Variants in TESC observed in about 807,000 individuals in gnomAD.
The protein encoded by TESC is tescalcin.
A neutral mutation model predicts 31.0 loss-of-function variants in TESC; 19 were observed. The ratio of observed to expected loss-of-function variants is 0.61; its 90% CI spans 0.43 to 0.90. The LOEUF is 0.90. Among genes scored for constraint, TESC ranks in the 40% least tolerant of loss-of-function variants. The pLI is 0.00. For synonymous variants in TESC, 109 were observed against 114.8 expected (o/e 0.95, Z 0.32); for missense variants, 248 against 303.8 (o/e 0.82, Z 1.36).
chr12:117,088,277 G>A (rs528363405), intron 1 of TESC, among the ~76,000 whole-genome samples: 3 of 152,168 alleles, frequency 2.0e-5, no homozygotes, highest in Non-Finnish European at 4.4e-5. Context: ...GAGAGTGGGC[G>A]AGTGGGTGTC....
At chr12:117,068,685 T>C (rs978810888) in intron 2 of TESC, among the ~76,000 whole-genome samples, 3 of 152,134 alleles carry the variant, frequency 2.0e-5, no homozygotes, top group Admixed American at 6.5e-5. Flanking sequence ...TTCTCTTCCC[T>C]GTGTACGTCT....
chr12:117,092,298 G>A (rs945102450), intron 1 of TESC, among the ~76,000 whole-genome samples: 13 of 152,204 alleles, frequency 8.5e-5, no homozygotes, highest in East Asian at 1.9e-4. Flanking sequence ...CACATGGAAC[G>A]CCATCCTCCA....
intron 2 of TESC, among the ~76,000 whole-genome samples, chr12:117,059,173 G>T (rs1278615428): frequency 6.6e-6 from 1 of 152,246 alleles, no homozygotes; most frequent in Non-Finnish European, 1.5e-5. Context: ...TGGAGAGGAG[G>T]AGGCAAAACA....
chr12:117,046,868 G>A lies in TESC; in HGVS notation c.350-30C>T, dbSNP rs144567874. On this transcript the variant is annotated intron_variant, in intron 4 of 7. Coordinates refer to ENST00000335209, the MANE Select transcript of TESC (RefSeq NM_017899.4). ...GGTGGCAGGGGAGAGAGGGGACTCC[G>A]TCAGGCGGGGCCTGGCCCCTGCCAC... 761 of 1,551,892 alleles carry A rather than the reference G, an allele frequency of 4.9e-4. 6 individuals carry two copies. In the East Asian group the frequency reaches 0.01, roughly 21 times the overall value.
chr12:117,086,509 G>A (rs1363323640), intron 1 of TESC, among the ~76,000 whole-genome samples: 1 of 152,166 alleles, frequency 6.6e-6, no homozygotes, highest in African/African-American at 2.4e-5. Context: ...ACAGCTCACA[G>A]CAGCCTCAAA....
intron 2 of TESC, among the ~76,000 whole-genome samples, chr12:117,061,145 C>T (rs1954796091): frequency 6.6e-6 from 1 of 152,230 alleles, no homozygotes; most frequent in South Asian, 2.1e-4. Context: ...AAGTCTGCAA[C>T]ATGCTCAGCA....
chr12:117,050,647 C>T lies in TESC; in HGVS notation c.210-1489G>A, dbSNP rs182329266. Among the ~76,000 whole-genome samples the T allele has an allele frequency of 1.6e-4, 24 of 152,318 alleles. No homozygotes were observed. In the East Asian group the frequency reaches 4.4e-3, roughly 28 times the overall value. Reference sequence around the variant, plus strand: ...CAGGTCTTGGCAGTTGTTAATAGCTCGGAGGCCAGGCGCAATGGCTTACGC... The same window carrying T: ...CAGGTCTTGGCAGTTGTTAATAGCTTGGAGGCCAGGCGCAATGGCTTACGC... On this transcript the variant is annotated intron_variant, in intron 3 of 7. Coordinates refer to ENST00000335209, the MANE Select transcript of TESC (RefSeq NM_017899.4).
rs1254921026 is a variant in TESC, at chr12:117,075,911, A to ATGTGTGTG, written c.59-572_59-571insCACACACA. On this transcript the variant is annotated intron_variant, in intron 1 of 7. Transcript: ENST00000335209. Reference sequence around the variant, plus strand: ...TATATATATATATATATATATATATATATGTGTGTGTGTATATATATATAT... The same window carrying ATGTGTGTG: ...TATATATATATATATATATATATATATGTGTGTGTATGTGTGTGTGTATATATATATAT... Among the ~76,000 whole-genome samples, 285 of 59,034 alleles carry ATGTGTGTG rather than the reference A, an allele frequency of 4.8e-3. 6 individuals carry two copies. The highest frequency in any genetic ancestry group is 0.026 in the East Asian group (56 of 2,160). 38.7% of individuals were successfully genotyped at this position (59,034 alleles called of 152,430 possible). A position where few individuals can be genotyped will look rare whatever the true frequency, so the allele number is the denominator to read the frequency against.
chr12:117,046,383 G>A, intron 6 of TESC, 176 bp downstream of exon 6: 1 of 643,084 alleles, frequency 1.6e-6, no homozygotes, highest in Non-Finnish European at 2.6e-6. Context: ...CTGGGGACTT[G>A]GACCTTCAGT....
intron 1 of TESC, among the ~76,000 whole-genome samples, chr12:117,092,933 C>T (rs1379117378): frequency 6.6e-6 from 1 of 152,240 alleles, no homozygotes; most frequent in Non-Finnish European, 1.5e-5. Flanking sequence ...CAGAGGCACT[C>T]AGACAATTCC....
At chr12:117,074,580 C>T (rs1955023460) in intron 2 of TESC, among the ~76,000 whole-genome samples, 2 of 152,098 alleles carry the variant, frequency 1.3e-5, no homozygotes, top group Admixed American at 1.3e-4. Context: ...AGACAGAGGT[C>T]CTGATGGCAG....
chr12:117,092,540 TG>T (rs570313278), intron 1 of TESC, among the ~76,000 whole-genome samples: 8 of 152,152 alleles, frequency 5.3e-5, no homozygotes, highest in Non-Finnish European at 8.8e-5. Context: ...TTCCAGAGGC[TG>T]GGGGGGTCCC....
chr12:117,074,562 G>A (rs1263696143), intron 2 of TESC, among the ~76,000 whole-genome samples: 2 of 152,148 alleles, frequency 1.3e-5, no homozygotes, highest in African/African-American at 4.8e-5. Context: ...TAAAGAAGGA[G>A]AGTCAAAAGA....
chr12:117,048,951 C>T lies in TESC; in HGVS notation c.349+68G>A, dbSNP rs929531154. 28 of 1,607,780 alleles carry T rather than the reference C, an allele frequency of 1.7e-5. No individual in the cohort carries two copies. The Admixed American group carries it at 1.8e-4, about 11-fold the overall frequency. ...AGCCTCCTGCTGCAGAGGCGCCTTG[C>T]GTTCTGAGGTCTTAGGGGAGGCTGC... is the stretch of plus-strand genomic sequence containing the variant. On this transcript the variant is annotated intron_variant, in intron 4 of 7. Transcript: ENST00000335209.
At chr12:117,044,551 A>T (rs1954529290) in intron 6 of TESC, among the ~76,000 whole-genome samples, 1 of 152,160 alleles carries the variant, frequency 6.6e-6, no homozygotes, top group African/African-American at 2.4e-5. Context: ...ATGCCCAGTG[A>T]AGCAGTCCCC....
At position 117,046,335 on chromosome 12, in the gene TESC, G is replaced by C. The variant is rs1954558693; in HGVS notation, c.519+224C>G. On this transcript the variant is annotated intron_variant, in intron 6 of 7. Transcript: ENST00000335209. ...TGGGGGCTCCTGGACCCCAAAGCCT[G>C]AGATCTCGAACTCTGCTTCCCTGCC... 4 of 564,762 alleles carry C rather than the reference G, an allele frequency of 7.1e-6. No individual in the cohort carries two copies. In the Admixed American group the frequency reaches 1.0e-4, roughly 14 times the overall value. 35.0% of individuals were successfully genotyped at this position (564,762 alleles called of 1,614,324 possible).
intron 2 of TESC, among the ~76,000 whole-genome samples, chr12:117,064,593 C>T (rs1409612245): frequency 6.6e-6 from 1 of 152,188 alleles, no homozygotes; most frequent in Non-Finnish European, 1.5e-5. Flanking sequence ...AAGACAGACA[C>T]GATCCCTTAC....
At chr12:117,064,759 G>T (rs1954850648) in intron 2 of TESC, among the ~76,000 whole-genome samples, 1 of 152,212 alleles carries the variant, frequency 6.6e-6, no homozygotes, top group Admixed American at 6.5e-5. Flanking sequence ...AGGGAAAAAA[G>T]TGACATTTGA....
At chr12:117,058,270 C>A (rs192609447) in intron 2 of TESC, among the ~76,000 whole-genome samples, 4 of 151,994 alleles carry the variant, frequency 2.6e-5, no homozygotes, top group African/African-American at 7.2e-5. Flanking sequence ...ACCCATTATG[C>A]TAAGTGAAAG....
Sources: gnomAD v4.1 joint callset for allele counts (sites outside exome capture counted in the v4.1 genomes callset) on GRCh38, gnomAD v4.1.1 for gene constraint, MANE v1.5 for transcripts, NCBI Gene and HGNC (gene_info 2026-07-23, HGNC 2026-07-21) for gene names.